ADAMTS6: variants seen among roughly 807,000 people sequenced by gnomAD.
The protein encoded by ADAMTS6 is A disintegrin and metalloproteinase with thrombospondin motifs 6.
ADAMTS6 carries 23 observed loss-of-function variants against 144.3 expected under a neutral mutation model. The ratio of observed to expected loss-of-function variants is 0.16; its 90% CI spans 0.11 to 0.23. The LOEUF (loss-of-function observed/expected upper bound fraction) is 0.23, where lower values mean the gene tolerates loss of function less well. ADAMTS6 is among the 10% of genes least tolerant of loss of function. The pLI is 1.00. For missense variants in ADAMTS6, 999 were observed against 1,379.6 expected, an observed-to-expected ratio of 0.72 and a Z score of 4.37; for synonymous variants, 444 against 457.5, an observed-to-expected ratio of 0.97 and a Z score of 0.38.
intron 20 of ADAMTS6, among the ~76,000 whole-genome samples, chr5:65,201,643 A>G (rs1353516139): frequency 6.6e-6 from 1 of 152,212 alleles, no homozygotes; most frequent in East Asian, 1.9e-4. Flanking sequence ...TGAATGAGTC[A>G]ACAATAAAAA....
chr5:65,187,768 A>T (rs1208457056), intron 22 of ADAMTS6, among the ~76,000 whole-genome samples: 1 of 152,146 alleles, frequency 6.6e-6, no homozygotes, highest in African/African-American at 2.4e-5. Context: ...ACCCACTATA[A>T]TGTTATTTCA....
intron 7 of ADAMTS6, among the ~76,000 whole-genome samples, chr5:65,408,653 T>C (rs77839216): frequency 1.2e-4 from 18 of 152,292 alleles, no homozygotes; most frequent in African/African-American, 4.1e-4. Flanking sequence ...GCAGACCTAA[T>C]AGACATCTAC....
At chr5:65,249,021 G>A (rs1759906019) in intron 14 of ADAMTS6, among the ~76,000 whole-genome samples, 1 of 152,060 alleles carries the variant, frequency 6.6e-6, no homozygotes, top group African/African-American at 2.4e-5. Flanking sequence ...CCGTGTGTGT[G>A]TGTGTGCGCG....
At chr5:65,389,411 A>ATTGGT (rs1752732704) in intron 7 of ADAMTS6, among the ~76,000 whole-genome samples, 1 of 152,082 alleles carries the variant, frequency 6.6e-6, no homozygotes, top group African/African-American at 2.4e-5. Context: ...TGTAACACCT[A>ATTGGT]TTGGTTTTGT....
At chr5:65,216,254 A>G (rs1014242009) in intron 18 of ADAMTS6, among the ~76,000 whole-genome samples, 13 of 152,240 alleles carry the variant, frequency 8.5e-5, no homozygotes, top group African/African-American at 3.1e-4. Context: ...TTATGCAGCC[A>G]TAACAAGTAA....
At chr5:65,220,894 C>A (rs559545754) in intron 18 of ADAMTS6, among the ~76,000 whole-genome samples, 1 of 151,834 alleles carries the variant, frequency 6.6e-6, no homozygotes, top group Non-Finnish European at 1.5e-5. Flanking sequence ...ATTTTCAGTA[C>A]GGAAAATGAA....
intron 15 of ADAMTS6, among the ~76,000 whole-genome samples, chr5:65,237,857 T>C (rs888635297): frequency 2.0e-5 from 3 of 152,078 alleles, no homozygotes; most frequent in Non-Finnish European, 4.4e-5. Flanking sequence ...GAGGCTGAGA[T>C]GGGTGGATTG....
intron 11 of ADAMTS6, among the ~76,000 whole-genome samples, chr5:65,282,907 G>C (rs138657841): frequency 4.3e-4 from 66 of 152,136 alleles, no homozygotes; most frequent in African/African-American, 1.5e-3. Context: ...TTTTATTGTT[G>C]GTTTACAGCT....
chr5:65,262,698 C>T (rs1580224580), intron 13 of ADAMTS6, 119 bp downstream of exon 13: 1 of 1,237,778 alleles, frequency 8.1e-7, no homozygotes, highest in Non-Finnish European at 1.1e-6. Context: ...ATGGCTTGTT[C>T]TGAAGACAAG....
At chr5:65,304,649 C>A (rs1210098717) in intron 9 of ADAMTS6, among the ~76,000 whole-genome samples, 1 of 152,066 alleles carries the variant, frequency 6.6e-6, no homozygotes, top group Non-Finnish European at 1.5e-5. Context: ...CCAGGCTGAT[C>A]TCAAACTCTG....
intron 7 of ADAMTS6, among the ~76,000 whole-genome samples, chr5:65,411,641 A>G (rs977420089): frequency 1.3e-5 from 2 of 152,232 alleles, no homozygotes; most frequent in African/African-American, 4.8e-5. Flanking sequence ...AGGGAAAAAC[A>G]TAAGTTAAAA....
At chr5:65,363,967 T>C (rs1750066231) in intron 7 of ADAMTS6, among the ~76,000 whole-genome samples, 1 of 152,206 alleles carries the variant, frequency 6.6e-6, no homozygotes, top group African/African-American at 2.4e-5. Flanking sequence ...ATCTAAGCCA[T>C]AACTTAAAAT....
At chr5:65,306,385 G>T (rs998232172) in intron 9 of ADAMTS6, among the ~76,000 whole-genome samples, 4 of 152,124 alleles carry the variant, frequency 2.6e-5, no homozygotes, top group Admixed American at 1.3e-4. Flanking sequence ...CTGAATACTG[G>T]CATGGCTGTC....
At chr5:65,180,140 A>G (rs1362718183) in intron 22 of ADAMTS6, among the ~76,000 whole-genome samples, 2 of 152,148 alleles carry the variant, frequency 1.3e-5, no homozygotes, top group African/African-American at 4.8e-5. Flanking sequence ...ATGTACACAC[A>G]TGGATTTTGT....
In ADAMTS6 at chr5:65,286,507, G is replaced by C. The variant is rs576600277; in HGVS notation, c.1512+4822C>G. On this transcript the variant is annotated intron_variant, in intron 11 of 24. Coordinates refer to ENST00000381055, the MANE Select transcript of ADAMTS6 (RefSeq NM_197941.4). ...GCTAACATTTAAGTCTATGTAAACA[G>C]TGACAAACTTCATAGACAATAAAAA... Among the ~76,000 whole-genome samples the C allele has an allele frequency of 2.8e-4, 43 of 152,264 alleles. No homozygotes were observed. In the South Asian group the frequency reaches 8.7e-3, roughly 31 times the overall value.
chr5:65,478,368 C>T (rs1242931279), intron 1 of ADAMTS6, among the ~76,000 whole-genome samples: 2 of 152,134 alleles, frequency 1.3e-5, no homozygotes, highest in Admixed American at 1.3e-4. Context: ...AATGCATTGA[C>T]CTTTTAAATT....
At chr5:65,319,714 GGGAA>G (rs1412489141) in intron 9 of ADAMTS6, among the ~76,000 whole-genome samples, 2 of 35,932 alleles carry the variant, frequency 5.6e-5, no homozygotes, top group African/African-American at 1.7e-4. Context: ...GAGGGAGGGA[GGGAA>G]GGGAGGGAGG....
At chr5:65,366,180 C>G (rs1750293747) in intron 7 of ADAMTS6, among the ~76,000 whole-genome samples, 1 of 152,010 alleles carries the variant, frequency 6.6e-6, no homozygotes, top group Admixed American at 6.6e-5. Context: ...ATGCAACCTC[C>G]TAAGGGACAA....
chr5:65,476,612 A>G (rs1760855371), intron 1 of ADAMTS6, among the ~76,000 whole-genome samples: 1 of 146,608 alleles, frequency 6.8e-6, no homozygotes, highest in Non-Finnish European at 1.5e-5. Flanking sequence ...GTCAAAGAAG[A>G]TTTTTTTTTT....
Sources: gnomAD v4.1 joint callset for allele counts (sites outside exome capture counted in the v4.1 genomes callset) on GRCh38, gnomAD v4.1.1 for gene constraint, MANE v1.5 for transcripts, NCBI Gene and HGNC (gene_info 2026-07-23, HGNC 2026-07-21) for gene names.